MTHFD2L: variants seen among roughly 807,000 people sequenced by gnomAD.
The protein encoded by MTHFD2L is bifunctional methylenetetrahydrofolate dehydrogenase/cyclohydrolase 2, mitochondrial.
In MTHFD2L, 29 loss-of-function variants were observed where a neutral mutation model predicts 34.9. The ratio of observed to expected loss-of-function variants is 0.83; its 90% CI spans 0.62 to 1.13. The LOEUF is 1.13. Ranked by LOEUF, MTHFD2L falls within the 50% of genes most tolerant of loss-of-function variation. MTHFD2L has a pLI of 0.00. For synonymous variants in MTHFD2L, 167 were observed against 155.7 expected, an observed-to-expected ratio of 1.07 and a Z score of -0.54; for missense variants, 481 against 446.5, an observed-to-expected ratio of 1.08 and a Z score of -0.70.
intron 6 of MTHFD2L, among the ~76,000 whole-genome samples, chr4:74,275,113 C>G (rs1178501544): frequency 6.6e-6 from 1 of 152,096 alleles, no homozygotes; most frequent in East Asian, 1.9e-4. Flanking sequence ...CCACCCCCAA[C>G]AGGCCCCAAT....
At chr4:74,256,253 G>A (rs1382418683) in intron 6 of MTHFD2L, among the ~76,000 whole-genome samples, 3 of 152,032 alleles carry the variant, frequency 2.0e-5, no homozygotes, top group Non-Finnish European at 2.9e-5. Flanking sequence ...GGGACTACAG[G>A]CGCATGCCAC....
intron 5 of MTHFD2L, among the ~76,000 whole-genome samples, chr4:74,224,449 G>T (rs986479957): frequency 2.6e-5 from 4 of 152,188 alleles, no homozygotes; most frequent in Non-Finnish European, 4.4e-5. Flanking sequence ...TCTAAAAATG[G>T]TGATCATGTA....
intron 7 of MTHFD2L, among the ~76,000 whole-genome samples, chr4:74,291,720 C>T (rs994229410): frequency 6.6e-6 from 1 of 152,122 alleles, no homozygotes; most frequent in African/African-American, 2.4e-5. Context: ...AGTGTGTGTT[C>T]TACAACATGG....
intron 6 of MTHFD2L, among the ~76,000 whole-genome samples, chr4:74,227,371 A>G (rs1202120174): frequency 1.3e-5 from 2 of 152,090 alleles, no homozygotes; most frequent in Non-Finnish European, 2.9e-5. Flanking sequence ...TTTTGTTTTT[A>G]TCTTAGCCTG....
chr4:74,274,980 A>G (rs927668904), intron 6 of MTHFD2L, among the ~76,000 whole-genome samples: 1 of 152,150 alleles, frequency 6.6e-6, no homozygotes, highest in Non-Finnish European at 1.5e-5. Context: ...TCCAGGATAC[A>G]TGTGCAGAAT....
At chr4:74,291,349 C>T (rs994699666) in intron 7 of MTHFD2L, among the ~76,000 whole-genome samples, 3 of 151,968 alleles carry the variant, frequency 2.0e-5, no homozygotes, top group African/African-American at 7.2e-5. Flanking sequence ...CACCAAATTT[C>T]AGCCTTCTTA....
intron 6 of MTHFD2L, among the ~76,000 whole-genome samples, chr4:74,245,194 CAAAAAAAAAAAAA>C (rs57639523): frequency 3.0e-5 from 2 of 66,362 alleles, no homozygotes; most frequent in Non-Finnish European, 5.1e-5. Flanking sequence ...GACTCAGTCT[CAAAAAAAAAAAAA>C]AAAAAAAAAA....
chr4:74,154,574 T>C (rs1724134378), upstream of MTHFD2L, among the ~76,000 whole-genome samples: 1 of 152,182 alleles, frequency 6.6e-6, no homozygotes, highest in East Asian at 1.9e-4. Context: ...GTTCCATCTT[T>C]GGGCATGAGG....
chr4:74,176,301 T>C (rs943117292), intron 3 of MTHFD2L, among the ~76,000 whole-genome samples: 10 of 152,082 alleles, frequency 6.6e-5, no homozygotes, highest in Non-Finnish European at 1.3e-4. Flanking sequence ...AATGACTTTG[T>C]TTTTTATGTT....
rs1424642275 is a variant in MTHFD2L, at chr4:74,158,388, C to G, written c.143+107C>G. 3.5e-6 allele frequency: 3 copies of G among 868,590 alleles called. No homozygotes were observed. In the African/African-American group the frequency reaches 5.5e-5, roughly 16 times the overall value. The allele number at this position is 868,590 out of a possible 1,614,324, so 53.8% of individuals were successfully genotyped here. A position where few individuals can be genotyped will look rare whatever the true frequency, so the allele number is the denominator to read the frequency against. ...GGCCCAAGGCTCGTGGGCGGCCGCG[C>G]GGCGGCGGGCTGGGTCGAGGACAGC... On this transcript the variant is annotated intron_variant, in intron 1 of 7. Coordinates refer to ENST00000325278, the MANE Select transcript of MTHFD2L (RefSeq NM_001144978.3).
upstream of MTHFD2L, chr4:74,157,834 G>T: frequency 1.7e-6 from 1 of 579,096 alleles, no homozygotes; most frequent in Non-Finnish European, 3.3e-6. Context: ...GTCGCTATGG[G>T]AATGCCAGCT....
intron 6 of MTHFD2L, among the ~76,000 whole-genome samples, chr4:74,255,257 G>A: frequency 6.6e-6 from 1 of 150,528 alleles, no homozygotes; most frequent in Non-Finnish European, 1.5e-5. Context: ...TAGAGGTTTT[G>A]TATATAGCTA....
At chr4:74,175,677 G>T (rs2109962851) in intron 3 of MTHFD2L, among the ~76,000 whole-genome samples, 1 of 152,144 alleles carries the variant, frequency 6.6e-6, no homozygotes, top group African/African-American at 2.4e-5. Flanking sequence ...GATGAAACCA[G>T]GTAATGTGAT....
chr4:74,214,428 C>G (rs189244319), intron 5 of MTHFD2L, among the ~76,000 whole-genome samples: 1 of 151,854 alleles, frequency 6.6e-6, no homozygotes, highest in African/African-American at 2.4e-5. Flanking sequence ...GTTGATGCTA[C>G]TCCTTTCTGT....
chr4:74,210,693 A>G (rs183337007), intron 5 of MTHFD2L, among the ~76,000 whole-genome samples: 33 of 152,050 alleles, frequency 2.2e-4, no homozygotes, highest in African/African-American at 7.7e-4. Flanking sequence ...TTGGTTCCAT[A>G]TGAAATATAT....
At chr4:74,249,455 T>C (rs1158767399) in intron 6 of MTHFD2L, among the ~76,000 whole-genome samples, 4 of 152,210 alleles carry the variant, frequency 2.6e-5, no homozygotes, top group African/African-American at 7.2e-5. Context: ...TCTGTGTCTT[T>C]TAGTTGGAGC....
chr4:74,232,344 C>T (rs1168004832), intron 6 of MTHFD2L, among the ~76,000 whole-genome samples: 1 of 152,108 alleles, frequency 6.6e-6, no homozygotes, highest in East Asian at 1.9e-4. Context: ...TTGGAACAAC[C>T]TGACTTTGAG....
intron 6 of MTHFD2L, among the ~76,000 whole-genome samples, chr4:74,237,981 G>T (rs7681912): frequency 0.62 from 94,490 of 152,130 alleles, 32,646 homozygotes; most frequent in Non-Finnish European, 0.77. Flanking sequence ...TCAGAGCATG[G>T]TGTTACTGAA....
intron 1 of MTHFD2L, among the ~76,000 whole-genome samples, chr4:74,129,127 AT>A (rs1357133894): frequency 1.3e-5 from 2 of 152,092 alleles, no homozygotes; most frequent in Non-Finnish European, 2.9e-5. Flanking sequence ...ATAACAAGTT[AT>A]TTTAAGGAGA....
Sources: gnomAD v4.1 joint callset for allele counts (sites outside exome capture counted in the v4.1 genomes callset) on GRCh38, gnomAD v4.1.1 for gene constraint, MANE v1.5 for transcripts, NCBI Gene and HGNC (gene_info 2026-07-23, HGNC 2026-07-21) for gene names.